NLRC3: variants seen among roughly 807,000 people sequenced by gnomAD.
The protein encoded by NLRC3 is NLR family CARD domain-containing protein 3.
In NLRC3, 87 loss-of-function variants were observed where a neutral mutation model predicts 91.6. The ratio of observed to expected loss-of-function variants is 0.95; its 90% CI spans 0.80 to 1.14. The LOEUF (loss-of-function observed/expected upper bound fraction) is 1.14, where lower values mean the gene tolerates loss of function less well. NLRC3 is among the 50% of genes most tolerant of loss of function. NLRC3 has a pLI of 0.00. For synonymous variants in NLRC3, 694 were observed against 625.3 expected (o/e 1.11, Z -1.64); for missense variants, 1,577 against 1,418.6 (o/e 1.11, Z -1.79).
At chr16:3,576,279 C>G (rs1039068793) in intron 1 of NLRC3, among the ~76,000 whole-genome samples, 1 of 152,210 alleles carries the variant, frequency 6.6e-6, no homozygotes, top group Non-Finnish European at 1.5e-5. Context: ...GAGAAGGCCT[C>G]TGCGGTTGCC....
chr16:3,556,087 G>T (rs1180428385), intron 8 of NLRC3, among the ~76,000 whole-genome samples: 1 of 150,412 alleles, frequency 6.6e-6, no homozygotes, highest in African/African-American at 2.4e-5. Flanking sequence ...CCAGCACTTT[G>T]GGAGGCCAAG....
Position 3,552,263 on chromosome 16 carries a change from T to C in NLRC3, c.2284A>G (p.Ile762Val). The C allele has an allele frequency of 6.2e-7, 1 of 1,613,148 alleles. No individual in the cohort carries two copies. Among genetic ancestry groups the C allele is most frequent in the Non-Finnish European group, 8.5e-7 (1 of 1,179,108 alleles). Residue 762 changes from isoleucine (I) to valine (V), a missense_variant, in exon 10 of 20, where the codon ATC becomes GTC. By Grantham distance (29) the Ile-to-Val change is conservative (BLOSUM62 3). Coordinates refer to ENST00000359128, the MANE Select transcript of NLRC3 (RefSeq NM_178844.4). ...LSMLHLQKNS[I>V]GPMGAQRMAD... ...ATCCGCTGGGCTCCCATGGGCCCGATGCTGTTCTTCTGCAGGCTGTGGGAG... is the reference window on the plus strand; with the variant it reads ...ATCCGCTGGGCTCCCATGGGCCCGACGCTGTTCTTCTGCAGGCTGTGGGAG...
intron 2 of NLRC3, among the ~76,000 whole-genome samples, chr16:3,566,356 C>T (rs1230989035): frequency 2.0e-5 from 3 of 151,876 alleles, no homozygotes; most frequent in Admixed American, 1.3e-4. Context: ...TTTGGGAGGT[C>T]GAGGCGGGCA....
chr16:3,547,365 G>A (rs1158479559), intron 15 of NLRC3, among the ~76,000 whole-genome samples: 1 of 152,170 alleles, frequency 6.6e-6, no homozygotes, highest in East Asian at 1.9e-4. Flanking sequence ...GGTGTCCAGG[G>A]TAGGAAGATC....
intron 3 of NLRC3, 71 bp from the exon 4 acceptor site, chr16:3,565,131 T>G: frequency 8.2e-7 from 1 of 1,223,048 alleles, no homozygotes; most frequent in Non-Finnish European, 1.2e-6. Context: ...GGTGAGCAAG[T>G]CCCCAGGAAC....
chr16:3,570,807 G>A (rs1297861400), intron 1 of NLRC3, among the ~76,000 whole-genome samples: 2 of 152,194 alleles, frequency 1.3e-5, no homozygotes, highest in Non-Finnish European at 2.9e-5. Flanking sequence ...AGTCACCGTT[G>A]TTGTAAGGAG....
intron 6 of NLRC3, among the ~76,000 whole-genome samples, chr16:3,557,990 A>G (rs372639120): frequency 2.6e-5 from 4 of 152,234 alleles, no homozygotes; most frequent in African/African-American, 9.6e-5. Flanking sequence ...CGGAAGCCTA[A>G]CATGCAGATG....
At chr16:3,569,139 C>A (rs368986135) in intron 1 of NLRC3, among the ~76,000 whole-genome samples, 15 of 151,818 alleles carry the variant, frequency 9.9e-5, no homozygotes, top group African/African-American at 3.6e-4. Flanking sequence ...CATGGCGGAA[C>A]CCCATCTCTA....
At chr16:3,548,032 C>CCA (rs1485307036) in intron 15 of NLRC3, 103 bp downstream of exon 15, 5 of 743,326 alleles carry the variant, frequency 6.7e-6, no homozygotes, top group Non-Finnish European at 1.2e-5. Flanking sequence ...AAGAGGAGTG[C>CCA]CAGGGGTCAC....
chr16:3,563,125 C>T lies in NLRC3; in HGVS notation c.1812G>A (p.Leu604=), dbSNP rs12445430. The change falls in exon 5 of 20, where the codon CTG becomes CTA. Residue 604 remains leucine (L), a synonymous_variant. Coordinates refer to ENST00000359128, the MANE Select transcript of NLRC3 (RefSeq NM_178844.4). The part of the protein sequence containing the change: ...RLTGPAHRAA[L]AYLLQVSDAC... ...CGTCGGACACCTGCAGGAGGTAGGC[C>T]AGGGCAGCGCGGTGCGCGGGACCAG... The T allele has an allele frequency of 0.21, 333,127 of 1,579,732 alleles. 35,794 individuals are homozygous for T. The highest frequency in any genetic ancestry group is 0.33 in the East Asian group (14,186 of 43,476).
In NLRC3 at chr16:3,564,529, G is replaced by T. The variant is rs527762717; in HGVS notation, c.408C>A (p.Val136=). 6.2e-7 allele frequency: 1 copy of T among 1,612,182 alleles called. No individual in the cohort carries two copies. The highest frequency in any genetic ancestry group is 2.2e-5 in the East Asian group (1 of 44,870). ...RLFLPLSRVS[V]PPRVSITIGV... ...CGATAGTGATGGAGACCCGGGGTGGGACAGACACCCGGGAGAGAGGCAGGA... is the reference window on the plus strand; with the variant it reads ...CGATAGTGATGGAGACCCGGGGTGGTACAGACACCCGGGAGAGAGGCAGGA... Residue 136 remains valine (V), a synonymous_variant, in exon 5 of 20, where the codon GTC becomes GTA. Transcript: ENST00000359128. This position sits in a 1 kb window ranked among gnomAD's most constrained non-coding sequence, Gnocchi z 5.9.
chr16:3,552,801 G>A (rs538050365), intron 9 of NLRC3, among the ~76,000 whole-genome samples: 13 of 152,296 alleles, frequency 8.5e-5, no homozygotes, highest in African/African-American at 2.2e-4. Context: ...TTAGCGGGGC[G>A]TGGTGGCATA....
At chr16:3,550,227 C>T (rs1372171757) in intron 11 of NLRC3, among the ~76,000 whole-genome samples, 187 bp downstream of exon 11, 2 of 152,226 alleles carry the variant, frequency 1.3e-5, no homozygotes, top group Non-Finnish European at 2.9e-5. Flanking sequence ...ACTCCAGACC[C>T]TACCCCAGCC....
intron 1 of NLRC3, among the ~76,000 whole-genome samples, chr16:3,569,508 C>G (rs568525071): frequency 7.0e-6 from 1 of 142,332 alleles, no homozygotes. Context: ...AAGTGATTCT[C>G]CTGCCTTAGC....
intron 1 of NLRC3, among the ~76,000 whole-genome samples, chr16:3,568,077 G>A (rs1477285830): frequency 6.6e-6 from 1 of 152,046 alleles, no homozygotes; most frequent in African/African-American, 2.4e-5. Flanking sequence ...TGCTCACCGG[G>A]CTGGTCTTGA....
chr16:3,564,672 A>T lies in NLRC3; in HGVS notation c.265T>A (p.Ser89Thr). 1 of 1,604,202 alleles carries T rather than the reference A, an allele frequency of 6.2e-7. No homozygotes were observed. The highest frequency in any genetic ancestry group is 8.5e-7 in the Non-Finnish European group (1 of 1,179,432). The change falls in exon 5 of 20, where the codon TCC becomes ACC. Residue 89 changes from serine (S) to threonine (T), a missense_variant. Coordinates refer to ENST00000359128, the MANE Select transcript of NLRC3 (RefSeq NM_178844.4). This position sits in a 1 kb window ranked among gnomAD's most constrained non-coding sequence, Gnocchi z 5.9. Reference sequence around the variant, plus strand: ...GTCAGGCCCTCCACCAGCAGGAGGGAGGCCAGCCTGTGCCAGGGTCCGCCC... The same window carrying T: ...GTCAGGCCCTCCACCAGCAGGAGGGTGGCCAGCCTGTGCCAGGGTCCGCCC... The part of the protein sequence containing the change: ...ELGGPWHRLA[S>T]LLLVEGLTDL...
At position 3,549,225 on chromosome 16, in the gene NLRC3, G is replaced by T; in HGVS notation, c.2520C>A (p.Ser840Arg). 6.3e-7 allele frequency: 1 copy of T among 1,575,044 alleles called. No individual in the cohort carries two copies. The highest frequency in any genetic ancestry group is 8.6e-7 in the Non-Finnish European group (1 of 1,159,588). Residue 840 changes from serine (S) to arginine (R), a missense_variant and splice_region_variant, in exon 13 of 20, where the codon AGC becomes AGA. By Grantham distance (110) the Ser-to-Arg change is moderately radical. Coordinates refer to ENST00000359128, the MANE Select transcript of NLRC3 (RefSeq NM_178844.4). ...LCTNQTLLSL[S>R]LRENSISPEG... Reference sequence around the variant, plus strand: ...CGGGACTGATGGAGTTTTCTCGAAGGCTGAAAAAAAAGGAAAGACCTGAGC... The same window carrying T: ...CGGGACTGATGGAGTTTTCTCGAAGTCTGAAAAAAAAGGAAAGACCTGAGC...
Position 3,570,564 on chromosome 16 carries a change from A to G in NLRC3, c.-168-3240T>C, listed in dbSNP as rs553699379. ...TGGAATAAACTGTGAGTGACAAAGA[A>G]GCCTGGAATTCTAGGGGGAGGAGGA... On this transcript the variant is annotated intron_variant, in intron 1 of 19. Transcript: ENST00000359128. 2.6e-5 allele frequency among the ~76,000 whole-genome samples: 4 copies of G among 152,286 alleles called. No homozygotes were observed. The South Asian group carries it at 8.3e-4, about 32-fold the overall frequency.
rs1491362144 is a variant in NLRC3 at position 3,569,395 on chromosome 16, T to TATATATA, written c.-168-2072_-168-2071insTATATAT. Among the ~76,000 whole-genome samples the TATATATA allele has an allele frequency of 2.3e-4, 11 of 47,750 alleles. 1 individual carries two copies. The highest frequency in any genetic ancestry group is 7.4e-4 in the African/African-American group (10 of 13,450). 31.3% of individuals were successfully genotyped at this position (47,750 alleles called of 152,430 possible). ...CCATATATATATATATATATATATA[T>TATATATA]TATTTTTTTTTTTTTTTTTTTTTTT... On this transcript the variant is annotated intron_variant, in intron 1 of 19. Transcript: ENST00000359128.
Sources: allele counts gnomAD v4.1 joint callset (sites outside exome capture counted in the v4.1 genomes callset), GRCh38; gene constraint gnomAD v4.1.1; non-coding constraint Gnocchi (gnomAD v3.1); transcripts MANE v1.5; gene names NCBI Gene and HGNC (gene_info 2026-07-23, HGNC 2026-07-21).